The following PRKCI variants were observed in gnomAD, a reference collection of about 807,000 sequenced individuals.
The protein encoded by PRKCI is protein kinase C iota, also known as protein kinase C iota type.
In PRKCI, 43 loss-of-function variants were observed where a neutral mutation model predicts 84.0. That is an observed-to-expected ratio of 0.51 (90% CI 0.40 to 0.66). PRKCI has a LOEUF of 0.66. PRKCI is among the 30% of genes least tolerant of loss of function. The pLI, the probability that PRKCI is intolerant of heterozygous loss-of-function variation, is 0.00. For missense variants in PRKCI, 459 were observed against 745.6 expected (o/e 0.62, Z 4.48); for synonymous variants, 216 against 234.4 (o/e 0.92, Z 0.72).
At chr3:170,256,952 G>T (rs1733598598) in intron 2 of PRKCI, among the ~76,000 whole-genome samples, 1 of 151,702 alleles carries the variant, frequency 6.6e-6, no homozygotes, top group Non-Finnish European at 1.5e-5. Flanking sequence ...GGGGCATATT[G>T]TTAACTTTCA....
chr3:170,246,975 A>G (rs1482721358), intron 2 of PRKCI, among the ~76,000 whole-genome samples: 1 of 152,020 alleles, frequency 6.6e-6, no homozygotes, highest in Non-Finnish European at 1.5e-5. Flanking sequence ...TTTCTCGTTC[A>G]GTACCCTGTC....
intron 4 of PRKCI, among the ~76,000 whole-genome samples, 183 bp downstream of exon 4, chr3:170,263,612 G>A (rs1268049548): frequency 6.6e-6 from 1 of 151,862 alleles, no homozygotes; most frequent in Non-Finnish European, 1.5e-5. Context: ...GACCAGCCTG[G>A]GCAACAAAGT....
At chr3:170,299,212 T>A in intron 17 of PRKCI, 102 bp downstream of exon 17, 1 of 541,866 alleles carries the variant, frequency 1.8e-6, no homozygotes, top group Admixed American at 4.0e-5. Context: ...ATAATTTTTT[T>A]ATTTTCTATT....
At chr3:170,292,764 G>A (rs193071765) in intron 13 of PRKCI, among the ~76,000 whole-genome samples, 7 of 149,180 alleles carry the variant, frequency 4.7e-5, no homozygotes, top group African/African-American at 7.4e-5. Flanking sequence ...ACATATAGCC[G>A]GGCGCGGTGG....
intron 2 of PRKCI, among the ~76,000 whole-genome samples, chr3:170,255,709 A>C (rs966099088): frequency 3.9e-4 from 59 of 152,150 alleles, no homozygotes; most frequent in African/African-American, 1.3e-3. Flanking sequence ...AATAGTGGTG[A>C]AAGTGGGCAT....
rs537262527 is a variant in PRKCI, at chr3:170,305,413, A to C, written c.*2286A>C. ...AGTTATTACCCACAATTTAAAGCAA[A>C]TTTTGAATGAATCTTTAAGTTAGGT... On this transcript the variant is annotated 3_prime_UTR_variant, in exon 18 of 18. Transcript: ENST00000295797. 1 of 152,700 alleles carries C rather than the reference A, an allele frequency of 6.5e-6. No homozygotes were observed. The highest frequency in any genetic ancestry group is 1.5e-5 in the Non-Finnish European group (1 of 68,026). The allele number at this position is 152,700 out of a possible 1,614,324, so 9.5% of individuals were successfully genotyped here. A position where few individuals can be genotyped will look rare whatever the true frequency, so the allele number is the denominator to read the frequency against.
intron 2 of PRKCI, among the ~76,000 whole-genome samples, chr3:170,242,136 G>T (rs190476986): frequency 6.6e-6 from 1 of 152,116 alleles, no homozygotes; most frequent in Non-Finnish European, 1.5e-5. Context: ...TAGAGACAGG[G>T]TCTTGTTACA....
At chr3:170,233,294 G>T (rs1376565179) in intron 1 of PRKCI, among the ~76,000 whole-genome samples, 1 of 150,254 alleles carries the variant, frequency 6.7e-6, no homozygotes, top group African/African-American at 2.5e-5. Flanking sequence ...TAGAATATAG[G>T]CACATTGAAA....
chr3:170,223,511 C>T (rs544483784), intron 1 of PRKCI, among the ~76,000 whole-genome samples: 1 of 152,154 alleles, frequency 6.6e-6, no homozygotes, highest in South Asian at 2.1e-4. Flanking sequence ...ATCTTCACTC[C>T]CTTACTATGG....
At chr3:170,230,857 G>T (rs1732769987) in intron 1 of PRKCI, among the ~76,000 whole-genome samples, 1 of 151,648 alleles carries the variant, frequency 6.6e-6, no homozygotes. Flanking sequence ...TTAGGGGAGA[G>T]ATCTATTTTT....
At chr3:170,288,536 G>T (rs935975627) in intron 12 of PRKCI, among the ~76,000 whole-genome samples, 1 of 152,092 alleles carries the variant, frequency 6.6e-6, no homozygotes, top group Non-Finnish European at 1.5e-5. Context: ...ATTACTTGAG[G>T]TCAGGAGTTT....
intron 5 of PRKCI, among the ~76,000 whole-genome samples, chr3:170,269,778 T>G (rs1312392225): frequency 6.6e-6 from 1 of 152,026 alleles, no homozygotes; most frequent in Non-Finnish European, 1.5e-5. Flanking sequence ...ACCAACATGG[T>G]GAAACCCCAT....
At chr3:170,228,159 C>G (rs1732683496) in intron 1 of PRKCI, among the ~76,000 whole-genome samples, 1 of 152,178 alleles carries the variant, frequency 6.6e-6, no homozygotes, top group South Asian at 2.1e-4. Context: ...TATTTATTGT[C>G]TGTCTACTCT....
intron 12 of PRKCI, chr3:170,291,510 A>G: frequency 4.8e-6 from 1 of 207,432 alleles, no homozygotes; most frequent in Non-Finnish European, 1.0e-5. Context: ...CAGCCTGGCC[A>G]ACATGGTGAA....
intron 2 of PRKCI, among the ~76,000 whole-genome samples, chr3:170,243,341 A>G (rs529475609): frequency 1.3e-5 from 2 of 152,298 alleles, no homozygotes; most frequent in South Asian, 4.1e-4. Flanking sequence ...GGATGTGTGT[A>G]TCAGTAGTTC....
At chr3:170,283,110 A>C (rs1734293962) in intron 11 of PRKCI, among the ~76,000 whole-genome samples, 1 of 152,180 alleles carries the variant, frequency 6.6e-6, no homozygotes, top group Non-Finnish European at 1.5e-5. Context: ...GTCTCAAAAA[A>C]AAAAAAAAAA....
At position 170,288,000 on chromosome 3, in the gene PRKCI, A is replaced by ATT. The variant is rs1166834267; in HGVS notation, c.1203+3407_1203+3408dup. 1.2e-3 allele frequency among the ~76,000 whole-genome samples: 181 copies of ATT among 151,632 alleles called. 3 individuals are homozygous for ATT. The South Asian group carries it at 0.037, about 31-fold the overall frequency. ...GGTGGCTTGCACCTGTAATCCCAGC[A>ATT]TTTTGGGAGGCCGAGGCAGGCGGAT... On this transcript the variant is annotated intron_variant, in intron 12 of 17. Coordinates refer to ENST00000295797, the MANE Select transcript of PRKCI (RefSeq NM_002740.6).
At position 170,222,989 on chromosome 3, in the gene PRKCI, C is replaced by T. The variant is rs1442007935; in HGVS notation, c.101+219C>T. Among the ~76,000 whole-genome samples, 73 of 151,926 alleles carry T rather than the reference C, an allele frequency of 4.8e-4. 3 individuals are homozygous for T. Among genetic ancestry groups the T allele is most frequent in the Admixed American group, 4.8e-3 (73 of 15,260 alleles). On this transcript the variant is annotated intron_variant, in intron 1 of 17. Coordinates refer to ENST00000295797, the MANE Select transcript of PRKCI (RefSeq NM_002740.6). The stretch of plus-strand genomic sequence containing the variant: ...CCCCAGGTATGGCGGTGCGGGGAGC[C>T]GAGGGGCCAGAGTAGGGTCCGAGAA...
intron 12 of PRKCI, among the ~76,000 whole-genome samples, chr3:170,290,314 T>A (rs937106550): frequency 3.9e-5 from 6 of 152,050 alleles, no homozygotes; most frequent in South Asian, 4.1e-4. Context: ...ATTTTTTTTT[T>A]ATTTGCCTTT....
Sources: allele counts gnomAD v4.1 joint callset (sites outside exome capture counted in the v4.1 genomes callset), GRCh38; gene constraint gnomAD v4.1.1; transcripts MANE v1.5; gene names NCBI Gene and HGNC (gene_info 2026-07-23, HGNC 2026-07-21).